CLYBL: variants seen among roughly 807,000 people sequenced by gnomAD.
CLYBL encodes the protein citramalyl-CoA lyase, also known as citramalyl-CoA lyase, mitochondrial.
CLYBL carries 31 observed loss-of-function variants against 38.9 expected under a neutral mutation model. The ratio of observed to expected loss-of-function variants is 0.80; its 90% CI spans 0.60 to 1.08. The LOEUF is 1.08. CLYBL is among the 50% of genes least tolerant of loss of function. The pLI, the probability that CLYBL is intolerant of heterozygous loss-of-function variation, is 0.00. For synonymous variants in CLYBL, 171 were observed against 158.6 expected (o/e 1.08, Z -0.59); for missense variants, 434 against 411.6 (o/e 1.05, Z -0.47).
At chr13:99,886,715 C>T (rs777505531) in intron 7 of CLYBL, among the ~76,000 whole-genome samples, 10 of 152,226 alleles carry the variant, frequency 6.6e-5, no homozygotes, top group Admixed American at 1.3e-4. Context: ...AGTGCAGTCT[C>T]GCAAAGATGG....
intron 1 of CLYBL, among the ~76,000 whole-genome samples, chr13:99,723,289 G>A (rs2048421064): frequency 2.0e-5 from 3 of 152,164 alleles, no homozygotes; most frequent in Admixed American, 2.0e-4. Context: ...TCATTAACAG[G>A]GCTCAACGTT....
intron 6 of CLYBL, among the ~76,000 whole-genome samples, chr13:99,867,362 A>C (rs1431377529): frequency 6.6e-6 from 1 of 152,228 alleles, no homozygotes. Context: ...TTAAACGTGA[A>C]AAATATCTTA....
chr13:99,864,774 G>A (rs12430038), intron 4 of CLYBL, 44 bp from the exon 5 acceptor site: 121,532 of 1,335,602 alleles, frequency 0.091, 11,683 homozygotes, highest in East Asian at 0.46. Flanking sequence ...TCCCTCTGAC[G>A]CACGCGTTTC....
chr13:99,843,602 A>ATTTTTTT (rs1196539167), intron 2 of CLYBL, among the ~76,000 whole-genome samples: 14 of 73,612 alleles, frequency 1.9e-4, no homozygotes, highest in African/African-American at 6.8e-4. Flanking sequence ...GGAAAAATTA[A>ATTTTTTT]TCTTTTTTTT....
chr13:99,609,181 T>TTG (rs2046586418), intron 1 of CLYBL, among the ~76,000 whole-genome samples: 1 of 129,676 alleles, frequency 7.7e-6, no homozygotes, highest in Non-Finnish European at 1.6e-5. Context: ...TTTTTTTTTT[T>TTG]TTTTTTTTTT....
intron 2 of CLYBL, among the ~76,000 whole-genome samples, chr13:99,839,554 G>A (rs994410619): frequency 3.3e-5 from 5 of 152,116 alleles, no homozygotes; most frequent in Admixed American, 3.3e-4. Context: ...CTAGCTATAC[G>A]AATCTGACAG....
intron 1 of CLYBL, among the ~76,000 whole-genome samples, chr13:99,634,756 T>C (rs2046995544): frequency 6.6e-6 from 1 of 152,232 alleles, no homozygotes; most frequent in Non-Finnish European, 1.5e-5. Context: ...GTTTCTCCCT[T>C]GTAAGGAATA....
chr13:99,669,298 G>T (rs749212769), intron 1 of CLYBL, among the ~76,000 whole-genome samples: 32 of 152,110 alleles, frequency 2.1e-4, no homozygotes, highest in Non-Finnish European at 4.3e-4. Flanking sequence ...TGCCGCGCCC[G>T]GCCAGGTCCT....
intron 2 of CLYBL, among the ~76,000 whole-genome samples, chr13:99,779,269 AG>A (rs2138827182): frequency 6.6e-6 from 1 of 152,054 alleles, no homozygotes; most frequent in East Asian, 1.9e-4. Flanking sequence ...CAGCCTCCCA[AG>A]TAGCTGGGAT....
intron 1 of CLYBL, among the ~76,000 whole-genome samples, chr13:99,607,592 T>A (rs2046548120): frequency 1.3e-5 from 2 of 152,196 alleles, no homozygotes; most frequent in South Asian, 2.1e-4. Flanking sequence ...TTTGGTTCCC[T>A]TGACCACCAT....
chr13:99,682,128 G>A (rs2047744036), intron 1 of CLYBL, among the ~76,000 whole-genome samples: 1 of 151,962 alleles, frequency 6.6e-6, no homozygotes, highest in Admixed American at 6.6e-5. Flanking sequence ...GTAACACAGT[G>A]GTAAGGATTT....
At chr13:99,828,774 A>G (rs1207269530) in intron 2 of CLYBL, among the ~76,000 whole-genome samples, 1 of 152,176 alleles carries the variant, frequency 6.6e-6, no homozygotes, top group Non-Finnish European at 1.5e-5. Flanking sequence ...AAGCCTTTTC[A>G]TGTCATCTTT....
rs377356520 is a variant in CLYBL at position 99,891,334 on chromosome 13, A to T, written c.944A>T (p.Gln315Leu). 3 of 1,613,376 alleles carry T rather than the reference A, an allele frequency of 1.9e-6. No homozygotes were observed. In the African/African-American group the frequency reaches 4.0e-5, roughly 22 times the overall value. The change falls in exon 8 of 9, where the codon CAA (glutamine) becomes CTA (leucine). Residue 315 changes from glutamine to leucine, a missense_variant. Transcript: ENST00000339105. Reference sequence around the variant, plus strand: ...GTTTTCCAGGGGGCCTTTACTTTCCAAGGGAGTATGATCGACATGCCATTA... The same window carrying T: ...GTTTTCCAGGGGGCCTTTACTTTCCTAGGGAGTATGATCGACATGCCATTA... ...QQLGKGAFTFQGSMIDMPLLK... is the reference protein window; with the variant it reads ...QQLGKGAFTFLGSMIDMPLLK...
intron 1 of CLYBL, among the ~76,000 whole-genome samples, chr13:99,618,779 A>G (rs1241388207): frequency 6.6e-6 from 1 of 152,116 alleles, no homozygotes; most frequent in Non-Finnish European, 1.5e-5. Flanking sequence ...TGACTACTCT[A>G]GGTACTTCAC....
At chr13:99,885,299 C>G (rs1337004281) in intron 7 of CLYBL, among the ~76,000 whole-genome samples, 1 of 152,146 alleles carries the variant, frequency 6.6e-6, no homozygotes, top group Non-Finnish European at 1.5e-5. Flanking sequence ...CTGGAAGCAT[C>G]AGGAGGAGTT....
In CLYBL at chr13:99,748,444, T is replaced by G. The variant is rs1174746188; in HGVS notation, c.63-24380T>G. ...CTAGTTTTGTGTTTTTTTTTTTTTT[T>G]TTTTTTTTTTTTTGAGATGGAGTCT... On this transcript the variant is annotated intron_variant, in intron 1 of 8. Transcript: ENST00000339105. Among the ~76,000 whole-genome samples, 775 of 128,784 alleles carry G rather than the reference T, an allele frequency of 6.0e-3. 17 individuals are homozygous for G. The highest frequency in any genetic ancestry group is 9.7e-3 in the Non-Finnish European group (595 of 61,408). The allele number at this position is 128,784 out of a possible 152,430, so 84.5% of individuals were successfully genotyped here. A position where few individuals can be genotyped will look rare whatever the true frequency, so the allele number is the denominator to read the frequency against.
chr13:99,859,156 G>A (rs1321326126), intron 3 of CLYBL, 107 bp downstream of exon 3: 2 of 789,396 alleles, frequency 2.5e-6, no homozygotes, highest in Admixed American at 6.4e-5. Context: ...AGAGAGCAGA[G>A]AGGAAGGGAA....
chr13:99,649,939 A>G (rs2047226977), intron 1 of CLYBL, among the ~76,000 whole-genome samples: 1 of 151,990 alleles, frequency 6.6e-6, no homozygotes, highest in Admixed American at 6.5e-5. Flanking sequence ...CAATATAGCA[A>G]GACCTCATCC....
intron 1 of CLYBL, among the ~76,000 whole-genome samples, chr13:99,730,319 C>A (rs1159433492): frequency 6.6e-6 from 1 of 152,244 alleles, no homozygotes; most frequent in Admixed American, 6.5e-5. Context: ...CCACCACAGC[C>A]TGCAAGTGCA....
Sources: allele counts gnomAD v4.1 joint callset (sites outside exome capture counted in the v4.1 genomes callset), GRCh38; gene constraint gnomAD v4.1.1; transcripts MANE v1.5; gene names NCBI Gene and HGNC (gene_info 2026-07-23, HGNC 2026-07-21).